CEP170: variants seen among roughly 807,000 people sequenced by gnomAD.
CEP170 encodes centrosomal protein of 170 kDa.
CEP170 carries 21 observed loss-of-function variants against 151.9 expected under a neutral mutation model. That is an observed-to-expected ratio of 0.14 (90% CI 0.10 to 0.20). CEP170 has a LOEUF of 0.20. Among genes scored for constraint, CEP170 ranks in the 10% least tolerant of loss-of-function variants. CEP170 has a pLI of 1.00. For missense variants in CEP170, 964 were observed against 1,892.9 expected (o/e 0.51, Z 9.11); for synonymous variants, 356 against 648.8 (o/e 0.55, Z 6.86).
intron 12 of CEP170, among the ~76,000 whole-genome samples, chr1:243,168,815 T>C (rs1368266579): frequency 3.3e-5 from 5 of 151,854 alleles, no homozygotes; most frequent in African/African-American, 1.2e-4. Context: ...TTAAAAAGCC[T>C]TTATATTTCT....
intron 1 of CEP170, among the ~76,000 whole-genome samples, chr1:243,236,513 G>C (rs2064268778): frequency 6.6e-6 from 1 of 152,030 alleles, no homozygotes. Flanking sequence ...TTCTCTCCTC[G>C]AGAAGTTCAC....
chr1:243,181,796 G>A (rs2059632758), intron 10 of CEP170, among the ~76,000 whole-genome samples: 1 of 152,062 alleles, frequency 6.6e-6, no homozygotes, highest in South Asian at 2.1e-4. Flanking sequence ...ATATTCCTTT[G>A]GTTTTCTCTT....
chr1:243,221,623 G>A, intron 3 of CEP170, 101 bp downstream of exon 3: 1 of 1,210,416 alleles, frequency 8.3e-7, no homozygotes, highest in East Asian at 2.6e-5. Flanking sequence ...AACATACAAA[G>A]TAAAGAAAAA....
rs1354081871 is a variant in CEP170 at position 243,124,958 on chromosome 1, C to G, written c.*1491G>C. On this transcript the variant is annotated 3_prime_UTR_variant, in exon 20 of 20. Transcript: ENST00000366542. Reference sequence around the variant, plus strand: ...ACATCTCTATAAAGTTTTTTTGCATCTTTATTAATTGATCCAACAATACAG... The same window carrying G: ...ACATCTCTATAAAGTTTTTTTGCATGTTTATTAATTGATCCAACAATACAG... 3 of 150,994 alleles carry G rather than the reference C, an allele frequency of 2.0e-5. No homozygotes were observed. The highest frequency in any genetic ancestry group is 4.4e-5 in the Non-Finnish European group (3 of 67,722). The allele number at this position is 150,994 out of a possible 1,614,324, so 9.4% of individuals were successfully genotyped here.
intron 16 of CEP170, among the ~76,000 whole-genome samples, chr1:243,137,385 C>A (rs530047222): frequency 1.2e-4 from 19 of 152,256 alleles, no homozygotes; most frequent in African/African-American, 4.6e-4. Flanking sequence ...GGAGAGGTGA[C>A]GGTAATATAC....
intron 4 of CEP170, among the ~76,000 whole-genome samples, chr1:243,204,692 T>C (rs2061293672): frequency 6.6e-6 from 1 of 152,192 alleles, no homozygotes. Context: ...ATGTACCAGG[T>C]GTCAGTCCTT....
chr1:243,246,516 G>A (rs1291622636), intron 1 of CEP170, among the ~76,000 whole-genome samples: 1 of 152,170 alleles, frequency 6.6e-6, no homozygotes, highest in South Asian at 2.1e-4. Flanking sequence ...ACAGGCATGA[G>A]CCACTGGGCC....
chr1:243,226,447 G>T (rs771540973), intron 1 of CEP170, among the ~76,000 whole-genome samples: 16 of 151,512 alleles, frequency 1.1e-4, no homozygotes, highest in Non-Finnish European at 2.2e-4. Flanking sequence ...AATAAAACTG[G>T]TATCAGCTTT....
At chr1:243,127,189 C>T (rs904529280) in intron 19 of CEP170, among the ~76,000 whole-genome samples, 12 of 152,184 alleles carry the variant, frequency 7.9e-5, no homozygotes, top group African/African-American at 2.7e-4. Flanking sequence ...ACTTTGAATG[C>T]TACCATAGAA....
chr1:243,212,903 G>A (rs2061948031), intron 3 of CEP170, among the ~76,000 whole-genome samples: 1 of 152,096 alleles, frequency 6.6e-6, no homozygotes, highest in African/African-American at 2.4e-5. Flanking sequence ...GGGCTCAAAT[G>A]ATATGCCCAC....
At chr1:243,137,782 A>C (rs1184700596) in intron 16 of CEP170, among the ~76,000 whole-genome samples, 6 of 149,692 alleles carry the variant, frequency 4.0e-5, no homozygotes, top group African/African-American at 1.5e-4. Flanking sequence ...TCAAAATTAA[A>C]AAAAAAAAAA....
At chr1:243,157,511 G>A (rs2057668331) in intron 13 of CEP170, among the ~76,000 whole-genome samples, 1 of 151,818 alleles carries the variant, frequency 6.6e-6, no homozygotes, top group Admixed American at 6.5e-5. Flanking sequence ...AAATATTTTT[G>A]AAAAAAATGT....
At chr1:243,127,629 T>A (rs536315956) in intron 19 of CEP170, among the ~76,000 whole-genome samples, 1 of 152,106 alleles carries the variant, frequency 6.6e-6, no homozygotes, top group Non-Finnish European at 1.5e-5. Flanking sequence ...TAAGTACCTA[T>A]GATTATTCGA....
intron 1 of CEP170, among the ~76,000 whole-genome samples, chr1:243,247,622 G>A (rs1314889679): frequency 1.3e-5 from 2 of 152,170 alleles, no homozygotes; most frequent in Non-Finnish European, 2.9e-5. Flanking sequence ...CCAAAGTGCT[G>A]GGACTACAGG....
At position 243,242,703 on chromosome 1, in the gene CEP170, C is replaced by CT. The variant is rs889952581; in HGVS notation, c.-42+12336dup. ...CTCTCCAATTTATAAATTTTGAATC[C>CT]TTTTTTTTTTTCTCCAAGACGGAGT... On this transcript the variant is annotated intron_variant, in intron 1 of 19. Transcript: ENST00000366542. Among the ~76,000 whole-genome samples, 145 of 146,796 alleles carry CT rather than the reference C, an allele frequency of 9.9e-4. 1 individual carries two copies. Among genetic ancestry groups the CT allele is most frequent in the Middle Eastern group, 3.5e-3 (1 of 282 alleles).
At chr1:243,252,380 T>C (rs2066017635) in intron 1 of CEP170, among the ~76,000 whole-genome samples, 1 of 152,134 alleles carries the variant, frequency 6.6e-6, no homozygotes, top group Admixed American at 6.5e-5. Context: ...GAATACAATT[T>C]TGTGGAATAA....
At chr1:243,237,500 T>C (rs1008651961) in intron 1 of CEP170, among the ~76,000 whole-genome samples, 5 of 152,216 alleles carry the variant, frequency 3.3e-5, no homozygotes, top group African/African-American at 1.2e-4. Context: ...CTCATACTTA[T>C]AGTATATAAA....
intron 4 of CEP170, among the ~76,000 whole-genome samples, chr1:243,201,868 G>C (rs1035692739): frequency 2.0e-5 from 3 of 152,076 alleles, no homozygotes; most frequent in Non-Finnish European, 2.9e-5. Context: ...TGAATCCCAG[G>C]CCAGGGCTCT....
At chr1:243,143,037 T>A (rs1161580095) in intron 14 of CEP170, among the ~76,000 whole-genome samples, 2 of 152,140 alleles carry the variant, frequency 1.3e-5, no homozygotes, top group Non-Finnish European at 2.9e-5. Flanking sequence ...AATAACATTT[T>A]ATTTAATGTT....
Sources: allele counts gnomAD v4.1 joint callset (sites outside exome capture counted in the v4.1 genomes callset), GRCh38; gene constraint gnomAD v4.1.1; transcripts MANE v1.5; gene names NCBI Gene and HGNC (gene_info 2026-07-23, HGNC 2026-07-21).